CDH13: variants seen among roughly 807,000 people sequenced by gnomAD.
The protein encoded by CDH13 is cadherin-13.
In CDH13, 24 loss-of-function variants were observed where a neutral mutation model predicts 63.8. That is an observed-to-expected ratio of 0.38 (90% CI 0.27 to 0.53). CDH13 has a LOEUF of 0.53. CDH13 is among the 20% of genes least tolerant of loss of function. The probability of loss-of-function intolerance (pLI) is 0.85; values close to 1 mark genes in which losing one functional copy is unlikely to be tolerated. For missense variants in CDH13, 1,049 were observed against 903.1 expected, an observed-to-expected ratio of 1.16 and a Z score of -2.07; for synonymous variants, 503 against 355.3, an observed-to-expected ratio of 1.42 and a Z score of -4.67.
At chr16:83,189,807 C>T (rs560706495) in intron 4 of CDH13, among the ~76,000 whole-genome samples, 1 of 152,278 alleles carries the variant, frequency 6.6e-6, no homozygotes, top group East Asian at 1.9e-4. Flanking sequence ...TTGTAGTTCC[C>T]ATAATCCCCA....
intron 1 of CDH13, among the ~76,000 whole-genome samples, chr16:82,847,055 G>C (rs540638319): frequency 6.6e-6 from 1 of 151,962 alleles, no homozygotes; most frequent in Admixed American, 6.5e-5. Context: ...TCCCCACCTC[G>C]CCTTCAAATT....
At chr16:82,767,927 G>A (rs1017481692) in intron 1 of CDH13, among the ~76,000 whole-genome samples, 5 of 152,194 alleles carry the variant, frequency 3.3e-5, no homozygotes, top group Admixed American at 6.5e-5. Flanking sequence ...GCCAAAAGGA[G>A]TGGATCTAGA....
chr16:82,673,556 A>G (rs1049991853), intron 1 of CDH13, among the ~76,000 whole-genome samples: 4 of 152,238 alleles, frequency 2.6e-5, no homozygotes, highest in East Asian at 1.9e-4. Flanking sequence ...TTAGATGAGC[A>G]TGAGATAAAT....
At chr16:83,083,634 T>C (rs2033403776) in intron 3 of CDH13, among the ~76,000 whole-genome samples, 2 of 152,194 alleles carry the variant, frequency 1.3e-5, no homozygotes, top group East Asian at 1.9e-4. Flanking sequence ...GGAATTTGTA[T>C]TGGAAAAGAT....
intron 3 of CDH13, among the ~76,000 whole-genome samples, chr16:83,058,469 C>A (rs28542618): frequency 0.026 from 3,913 of 152,274 alleles, 171 homozygotes; most frequent in African/African-American, 0.087. Context: ...CAGATGCATT[C>A]TTGTGACCTC....
chr16:82,991,826 A>G (rs1911692535), intron 2 of CDH13, among the ~76,000 whole-genome samples: 1 of 148,388 alleles, frequency 6.7e-6, no homozygotes, highest in Non-Finnish European at 1.5e-5. Flanking sequence ...AGGAAGAGGG[A>G]AGGAGAAATT....
chr16:83,256,665 A>T (rs1389449684), intron 5 of CDH13, among the ~76,000 whole-genome samples: 1 of 83,724 alleles, frequency 1.2e-5, no homozygotes, highest in Non-Finnish European at 2.3e-5. Flanking sequence ...CCCCGTCTCT[A>T]CTAAAATACA....
At chr16:83,692,061 C>T (rs1019294749) in intron 10 of CDH13, among the ~76,000 whole-genome samples, 3 of 152,170 alleles carry the variant, frequency 2.0e-5, no homozygotes, top group South Asian at 2.1e-4. Context: ...GACTCAATGA[C>T]AGCCGTCGTC....
chr16:83,407,222 C>G (rs1415677578), intron 6 of CDH13, among the ~76,000 whole-genome samples: 2 of 152,228 alleles, frequency 1.3e-5, no homozygotes, highest in Non-Finnish European at 2.9e-5. Flanking sequence ...TATTTGCATC[C>G]TGGAGGTATC....
At chr16:83,051,884 C>T (rs563402265) in intron 3 of CDH13, among the ~76,000 whole-genome samples, 1 of 152,290 alleles carries the variant, frequency 6.6e-6, no homozygotes, top group African/African-American at 2.4e-5. Context: ...TCTGAGGCGT[C>T]TTTCTTTCCT....
chr16:83,609,786 TCA>T (rs1383862306), intron 8 of CDH13, among the ~76,000 whole-genome samples: 1 of 152,216 alleles, frequency 6.6e-6, no homozygotes, highest in Admixed American at 6.5e-5. Flanking sequence ...TTCATTATAT[TCA>T]CAGAGTTGTC....
At chr16:82,826,980 C>T (rs185895604) in intron 1 of CDH13, among the ~76,000 whole-genome samples, 7 of 152,148 alleles carry the variant, frequency 4.6e-5, no homozygotes, top group South Asian at 2.1e-4. Flanking sequence ...AAATGCCACA[C>T]GGCTGGCTTT....
chr16:82,870,255 A>G (rs573519927), intron 2 of CDH13, among the ~76,000 whole-genome samples: 3 of 152,296 alleles, frequency 2.0e-5, no homozygotes, highest in Admixed American at 6.5e-5. Flanking sequence ...AAAAAAATGT[A>G]TATATAAACA....
Position 83,532,338 on chromosome 16 carries a change from C to G in CDH13, c.960+45683C>G, listed in dbSNP as rs117563556. On this transcript the variant is annotated intron_variant, in intron 7 of 13. Coordinates refer to ENST00000567109, the MANE Select transcript of CDH13 (RefSeq NM_001257.5). ...CCCTCACCCCAAGATTAGAAGAGTT[C>G]CCATTGCACCTTGAAATTCATTTTC... Among the ~76,000 whole-genome samples, 143 of 152,288 alleles carry G rather than the reference C, an allele frequency of 9.4e-4. 1 individual carries two copies. The East Asian group carries it at 0.024, about 26-fold the overall frequency.
At chr16:83,624,350 G>T (rs888817767) in intron 8 of CDH13, among the ~76,000 whole-genome samples, 1 of 138,400 alleles carries the variant, frequency 7.2e-6, no homozygotes, top group Non-Finnish European at 1.6e-5. Context: ...CCCCACCCCT[G>T]CCCCAGGTCA....
chr16:82,687,624 C>T (rs926155945), intron 1 of CDH13, among the ~76,000 whole-genome samples: 13 of 152,066 alleles, frequency 8.5e-5, no homozygotes, highest in Non-Finnish European at 1.6e-4. Flanking sequence ...ATGGGAAAAC[C>T]CTGCCCCCGA....
At chr16:83,667,113 A>C (rs1375474261) in intron 8 of CDH13, among the ~76,000 whole-genome samples, 2 of 151,160 alleles carry the variant, frequency 1.3e-5, no homozygotes, top group African/African-American at 2.5e-5. Flanking sequence ...GGATGGATGG[A>C]TGGATGGATG....
intron 6 of CDH13, among the ~76,000 whole-genome samples, chr16:83,353,615 C>G (rs1036989715): frequency 6.6e-6 from 1 of 152,236 alleles, no homozygotes; most frequent in African/African-American, 2.4e-5. Flanking sequence ...TCTCTCTCCC[C>G]CTAAATTCAC....
chr16:83,231,984 A>G (rs4782757), intron 5 of CDH13, among the ~76,000 whole-genome samples: 151,402 of 152,148 alleles, frequency 1, 75,333 homozygotes, highest in Middle Eastern at 1. Context: ...ACCAAATACC[A>G]CATGTTCTAA....
Sources: allele counts gnomAD v4.1 joint callset (sites outside exome capture counted in the v4.1 genomes callset), GRCh38; gene constraint gnomAD v4.1.1; transcripts MANE v1.5; gene names NCBI Gene and HGNC (gene_info 2026-07-23, HGNC 2026-07-21).